The following LPCAT2 variants were observed in gnomAD, a reference collection of about 807,000 sequenced individuals.
LPCAT2 encodes the protein 1-AGP acyltransferase 11.
LPCAT2 carries 58 observed loss-of-function variants against 64.7 expected under a neutral mutation model. The observed-to-expected ratio is 0.90, with a 90% confidence interval of 0.73 to 1.12. The LOEUF is 1.12. LPCAT2 is among the 50% of genes most tolerant of loss of function. The probability of loss-of-function intolerance (pLI) is 0.00; values close to 1 mark genes in which losing one functional copy is unlikely to be tolerated. For synonymous variants in LPCAT2, 252 were observed against 245.3 expected (o/e 1.03, Z -0.26); for missense variants, 579 against 669.8 (o/e 0.86, Z 1.50).
intron 11 of LPCAT2, chr16:55,567,404 G>C (rs1963716332): frequency 6.2e-7 from 1 of 1,613,792 alleles, no homozygotes; most frequent in Non-Finnish European, 8.5e-7. Context: ...TGGTCCGCCT[G>C]GATGCCATGT....
chr16:55,524,079 G>A (rs1326185401), intron 1 of LPCAT2, among the ~76,000 whole-genome samples: 3 of 151,716 alleles, frequency 2.0e-5, no homozygotes, highest in African/African-American at 7.3e-5. Context: ...TCCACTGCTA[G>A]GTATTTACTT....
At chr16:55,579,717 A>T (rs996782481) in intron 13 of LPCAT2, among the ~76,000 whole-genome samples, 11 of 152,180 alleles carry the variant, frequency 7.2e-5, no homozygotes, top group Admixed American at 2.6e-4. Flanking sequence ...TAGTAAAGGA[A>T]CATGGACTGA....
chr16:55,554,054 T>C (rs1187314450), intron 11 of LPCAT2, among the ~76,000 whole-genome samples: 1 of 152,174 alleles, frequency 6.6e-6, no homozygotes, highest in East Asian at 1.9e-4. Context: ...TATGAACAAA[T>C]GTGCAGTCAT....
At chr16:55,520,888 C>T (rs1963086417) in intron 1 of LPCAT2, among the ~76,000 whole-genome samples, 1 of 151,526 alleles carries the variant, frequency 6.6e-6, no homozygotes, top group African/African-American at 2.4e-5. Flanking sequence ...ATTTAAATAC[C>T]TAGAAAAGAA....
At chr16:55,512,979 C>T (rs1279949509) in intron 1 of LPCAT2, among the ~76,000 whole-genome samples, 3 of 152,146 alleles carry the variant, frequency 2.0e-5, no homozygotes, top group African/African-American at 7.2e-5. Context: ...ACCTACCTGC[C>T]AGGACAGAAA....
rs1963921062 is a variant in LPCAT2, at chr16:55,584,295, A to G, written c.*1197A>G. On this transcript the variant is annotated 3_prime_UTR_variant, in exon 14 of 14. Coordinates refer to ENST00000262134, the MANE Select transcript of LPCAT2 (RefSeq NM_017839.5). ...TTTGTTAAGTGGACTCTCAAATTTT[A>G]GAACTTGTGTGAAATATCTCCCAGA... The G allele has an allele frequency of 6.6e-6, 1 of 152,194 alleles. No individual in the cohort carries two copies. Among genetic ancestry groups the G allele is most frequent in the Non-Finnish European group, 1.5e-5 (1 of 68,026 alleles). 9.4% of individuals were successfully genotyped at this position (152,194 alleles called of 1,614,324 possible).
chr16:55,579,259 T>C lies in LPCAT2; in HGVS notation c.1450+15T>C. On this transcript the variant is annotated intron_variant, in intron 13 of 13. Transcript: ENST00000262134. ...AATTTCCTATGGTGAGTAGGCAATC[T>C]GGCCTCCTGACTTAGTTTACAAGGA... The C allele has an allele frequency of 6.2e-7, 1 of 1,609,846 alleles. No homozygotes were observed. The highest frequency in any genetic ancestry group is 8.5e-7 in the Non-Finnish European group (1 of 1,178,104).
At chr16:55,524,633 G>A (rs1363741298) in intron 1 of LPCAT2, among the ~76,000 whole-genome samples, 1 of 151,914 alleles carries the variant, frequency 6.6e-6, no homozygotes. Context: ...TCAGATAAGG[G>A]CCAGCAGAGA....
intron 3 of LPCAT2, among the ~76,000 whole-genome samples, chr16:55,529,305 A>AT (rs146903023): frequency 5.0e-4 from 75 of 148,584 alleles, no homozygotes; most frequent in South Asian, 4.9e-3. Context: ...CAGCTAAGAC[A>AT]TTTTTTTTTT....
chr16:55,579,081 G>A (rs752858503), intron 12 of LPCAT2, 28 bp from the exon 13 acceptor site: 6 of 1,609,322 alleles, frequency 3.7e-6, no homozygotes, highest in Non-Finnish European at 5.1e-6. Flanking sequence ...TCCTGAGGGA[G>A]CTAATTCTTA....
chr16:55,521,315 A>T (rs1963092493), intron 1 of LPCAT2, among the ~76,000 whole-genome samples: 1 of 151,810 alleles, frequency 6.6e-6, no homozygotes, highest in African/African-American at 2.4e-5. Context: ...TCTATGAAGG[A>T]ATTTGAATTT....
intron 11 of LPCAT2, among the ~76,000 whole-genome samples, chr16:55,561,789 G>C (rs945196590): frequency 6.6e-6 from 1 of 151,940 alleles, no homozygotes; most frequent in Non-Finnish European, 1.5e-5. Context: ...GTTCTTTTGT[G>C]ATACTTTTGC....
chr16:55,554,146 G>A (rs1171440306), intron 11 of LPCAT2, among the ~76,000 whole-genome samples: 2 of 152,066 alleles, frequency 1.3e-5, no homozygotes, highest in Non-Finnish European at 2.9e-5. Flanking sequence ...TTTCAGAATG[G>A]CAAGTGAGCA....
Position 55,583,316 on chromosome 16 carries a change from T to G in LPCAT2, c.*218T>G. On this transcript the variant is annotated 3_prime_UTR_variant, in exon 14 of 14. Coordinates refer to ENST00000262134, the MANE Select transcript of LPCAT2 (RefSeq NM_017839.5). ...TTTTCTTTTGTGTTATATTGTACTT[T>G]ACTGATTCATTTACTGGTGATACAT... The G allele has an allele frequency of 4.6e-6, 2 of 432,884 alleles. No homozygotes were observed. The highest frequency in any genetic ancestry group is 7.5e-5 in the East Asian group (2 of 26,608). The allele number at this position is 432,884 out of a possible 1,614,324, so 26.8% of individuals were successfully genotyped here. A position where few individuals can be genotyped will look rare whatever the true frequency, so the allele number is the denominator to read the frequency against.
chr16:55,510,308 G>GTTTCC (rs1199749352), intron 1 of LPCAT2, among the ~76,000 whole-genome samples: 6 of 152,096 alleles, frequency 3.9e-5, no homozygotes, highest in African/African-American at 1.2e-4. Flanking sequence ...CACAAAGGAA[G>GTTTCC]TTTCCTTTCC....
chr16:55,557,099 G>A (rs1174151669), intron 11 of LPCAT2: 11 of 152,130 alleles, frequency 7.2e-5, no homozygotes, highest in South Asian at 2.1e-4. Flanking sequence ...TATGTCTGAG[G>A]TTTAGATATA....
At chr16:55,576,883 A>G (rs1419994129) in intron 12 of LPCAT2, among the ~76,000 whole-genome samples, 1 of 152,158 alleles carries the variant, frequency 6.6e-6, no homozygotes. Context: ...CATATAGAGG[A>G]AGTAAAAGTC....
chr16:55,542,727 C>T (rs1306030789), intron 8 of LPCAT2, among the ~76,000 whole-genome samples: 2 of 151,854 alleles, frequency 1.3e-5, no homozygotes, highest in African/African-American at 4.8e-5. Flanking sequence ...CCAGATGTGA[C>T]CATTAGGTTG....
At chr16:55,517,384 T>A (rs1250084261) in intron 1 of LPCAT2, among the ~76,000 whole-genome samples, 1 of 152,068 alleles carries the variant, frequency 6.6e-6, no homozygotes, top group Non-Finnish European at 1.5e-5. Context: ...GAGGACCAGA[T>A]GACTTCACTG....
Sources: gnomAD v4.1 joint callset for allele counts (sites outside exome capture counted in the v4.1 genomes callset) on GRCh38, gnomAD v4.1.1 for gene constraint, MANE v1.5 for transcripts, NCBI Gene and HGNC (gene_info 2026-07-23, HGNC 2026-07-21) for gene names.